KANK1: variants seen among roughly 807,000 people sequenced by gnomAD.
KANK1 encodes the protein KN motif and ankyrin repeat domains 1, also known as KN motif and ankyrin repeat domain-containing protein 1.
A neutral mutation model predicts 106.2 loss-of-function variants in KANK1; 109 were observed. The ratio of observed to expected loss-of-function variants is 1.03; its 90% CI spans 0.88 to 1.20. The LOEUF (loss-of-function observed/expected upper bound fraction) is 1.20, where lower values mean the gene tolerates loss of function less well. Ranked by LOEUF, KANK1 falls within the 50% of genes most tolerant of loss-of-function variation. KANK1 has a pLI of 0.00. For synonymous variants in KANK1, 873 were observed against 652.2 expected (o/e 1.34, Z -5.16); for missense variants, 2,399 against 1,710.7 (o/e 1.40, Z -7.10).
At chr9:510,228 A>G (rs2058971060) in intron 1 of KANK1, among the ~76,000 whole-genome samples, 1 of 152,198 alleles carries the variant, frequency 6.6e-6, no homozygotes, top group African/African-American at 2.4e-5. Context: ...AAAATAGCAT[A>G]AATTGAACCT....
At chr9:686,936 G>A in intron 2 of KANK1, 3 of 985,168 alleles carry the variant, frequency 3.0e-6, no homozygotes, top group Non-Finnish European at 3.6e-6. Context: ...AGGGGGCTTA[G>A]GGCTGGGGGC....
At chr9:566,371 C>T (rs920858092) in intron 1 of KANK1, among the ~76,000 whole-genome samples, 1 of 152,104 alleles carries the variant, frequency 6.6e-6, no homozygotes, top group Non-Finnish European at 1.5e-5. Context: ...TTGGTGTACA[C>T]CCAGTAATGG....
chr9:622,489 A>C (rs546799321), intron 1 of KANK1, among the ~76,000 whole-genome samples: 18 of 152,334 alleles, frequency 1.2e-4, no homozygotes, highest in African/African-American at 3.8e-4. Flanking sequence ...AAGAATACGC[A>C]ATGGGGGAAA....
At chr9:631,043 T>G (rs1835607163) in intron 1 of KANK1, among the ~76,000 whole-genome samples, 1 of 152,186 alleles carries the variant, frequency 6.6e-6, no homozygotes, top group African/African-American at 2.4e-5. Context: ...GACTGGTTGG[T>G]AGAAATATGT....
chr9:567,821 C>T (rs1818183360), intron 1 of KANK1, among the ~76,000 whole-genome samples: 1 of 152,172 alleles, frequency 6.6e-6, no homozygotes, highest in Non-Finnish European at 1.5e-5. Context: ...TAGAGTCTCT[C>T]ATTTGAGTAC....
In KANK1 at chr9:710,979, G is replaced by C. The variant is rs760019725; in HGVS notation, c.213G>C (p.Val71=). 29 of 1,614,048 alleles carry C rather than the reference G, an allele frequency of 1.8e-5. No individual in the cohort carries two copies. The East Asian group carries it at 4.9e-4, about 27-fold the overall frequency. The part of the protein sequence containing the change: ...LNIQKRRKPS[V]PCPEPRTTSG... Reference sequence around the variant, plus strand: ...TCCAGAAGAGGCGGAAGCCGTCCGTGCCATGCCCAGAACCCAGGACCACAT... The same window carrying C: ...TCCAGAAGAGGCGGAAGCCGTCCGTCCCATGCCCAGAACCCAGGACCACAT... Residue 71 remains valine, a synonymous_variant, in exon 3 of 12, where the codon GTG becomes GTC. Transcript: ENST00000382297.
At chr9:744,263 A>G (rs1177044658) in intron 10 of KANK1, among the ~76,000 whole-genome samples, 1 of 152,204 alleles carries the variant, frequency 6.6e-6, no homozygotes, top group African/African-American at 2.4e-5. Flanking sequence ...GTTGAGTAAG[A>G]TAATCCTCTT....
intron 3 of KANK1, among the ~76,000 whole-genome samples, chr9:722,477 T>C (rs559194925): frequency 5.8e-4 from 88 of 152,290 alleles, no homozygotes; most frequent in Non-Finnish European, 8.8e-4. Flanking sequence ...TTTTGTTTGT[T>C]GGCCTCTTTG....
chr9:510,813 A>C (rs928738186), intron 1 of KANK1, among the ~76,000 whole-genome samples: 15 of 152,242 alleles, frequency 9.9e-5, no homozygotes, highest in Admixed American at 9.8e-4. Context: ...AGAGATTAGA[A>C]TGCAGTAGGC....
At chr9:730,394 A>G in intron 4 of KANK1, 146 bp downstream of exon 4, 2 of 900,458 alleles carry the variant, frequency 2.2e-6, no homozygotes, top group Non-Finnish European at 3.4e-6. Context: ...ATATCTTTAA[A>G]TAAGGTTACC....
At chr9:744,413 T>G (rs1589383246) in intron 10 of KANK1, 78 bp from the exon 11 acceptor site, 1 of 1,461,186 alleles carries the variant, frequency 6.8e-7, no homozygotes, top group Non-Finnish European at 9.3e-7. Context: ...TATTGGAGGG[T>G]GTTTTGTTCT....
intron 2 of KANK1, among the ~76,000 whole-genome samples, chr9:678,602 C>T (rs1816871810): frequency 6.6e-6 from 1 of 152,090 alleles, no homozygotes; most frequent in Non-Finnish European, 1.5e-5. Context: ...GTGGCGCATG[C>T]CTGTAATCCC....
At chr9:706,954 G>C in intron 2 of KANK1, 1 of 985,490 alleles carries the variant, frequency 1.0e-6, no homozygotes, top group Non-Finnish European at 1.2e-6. Context: ...AGCTGGCAAA[G>C]CGGGAGTGAA....
chr9:590,998 A>C (rs1177251699), intron 1 of KANK1, among the ~76,000 whole-genome samples: 2 of 151,748 alleles, frequency 1.3e-5, no homozygotes, highest in East Asian at 1.9e-4. Context: ...TGGATAGTGG[A>C]GTTTAAAACA....
chr9:596,683 C>T (rs540831382), intron 1 of KANK1, among the ~76,000 whole-genome samples: 2 of 151,748 alleles, frequency 1.3e-5, no homozygotes, highest in East Asian at 1.9e-4. Flanking sequence ...TACCAGTTCC[C>T]CATTGGTGTT....
chr9:533,583 A>T (rs914672386), intron 1 of KANK1, among the ~76,000 whole-genome samples: 1 of 152,178 alleles, frequency 6.6e-6, no homozygotes, highest in Non-Finnish European at 1.5e-5. Flanking sequence ...CTGAATCCTG[A>T]ATAGTTTTTA....
intron 1 of KANK1, among the ~76,000 whole-genome samples, chr9:671,975 C>T (rs1815257489): frequency 6.6e-6 from 1 of 152,118 alleles, no homozygotes; most frequent in Admixed American, 6.5e-5. Flanking sequence ...ACATAAAATT[C>T]CGAGATGCAG....
At chr9:554,955 A>G (rs2061493364) in intron 1 of KANK1, among the ~76,000 whole-genome samples, 1 of 152,196 alleles carries the variant, frequency 6.6e-6, no homozygotes, top group Non-Finnish European at 1.5e-5. Context: ...AGTGAAGTCT[A>G]CTAATTCAAA....
At chr9:474,766 GGCA>G (rs2058076792) in intron 3 of KANK1, among the ~76,000 whole-genome samples, 1 of 152,198 alleles carries the variant, frequency 6.6e-6, no homozygotes, top group African/African-American at 2.4e-5. Context: ...GATGAGAAAA[GGCA>G]GGGAGACATT....
Sources: allele counts gnomAD v4.1 joint callset (sites outside exome capture counted in the v4.1 genomes callset), GRCh38; gene constraint gnomAD v4.1.1; transcripts MANE v1.5; gene names NCBI Gene and HGNC (gene_info 2026-07-23, HGNC 2026-07-21).